The following WWC2 variants were observed in gnomAD, a reference collection of about 807,000 sequenced individuals.
WWC2 encodes WW and C2 domain containing 2.
WWC2 carries 101 observed loss-of-function variants against 138.5 expected under a neutral mutation model. The ratio of observed to expected loss-of-function variants is 0.73; its 90% CI spans 0.62 to 0.86. The LOEUF (loss-of-function observed/expected upper bound fraction) is 0.86, where lower values mean the gene tolerates loss of function less well. Ranked by LOEUF, WWC2 falls within the 40% of genes least tolerant of loss-of-function variation. The pLI, the probability that WWC2 is intolerant of heterozygous loss-of-function variation, is 0.00. For synonymous variants in WWC2, 558 were observed against 538.4 expected, an observed-to-expected ratio of 1.04 and a Z score of -0.50; for missense variants, 1,420 against 1,419.4, an observed-to-expected ratio of 1.00 and a Z score of -0.01.
At chr4:183,276,590 C>G (rs1737862907) in intron 16 of WWC2, among the ~76,000 whole-genome samples, 1 of 152,102 alleles carries the variant, frequency 6.6e-6, no homozygotes, top group African/African-American at 2.4e-5. Flanking sequence ...TTTCCTCCTT[C>G]TCTGCTATTA....
chr4:183,230,040 A>G (rs1473603324), intron 4 of WWC2, among the ~76,000 whole-genome samples: 3 of 151,946 alleles, frequency 2.0e-5, no homozygotes, highest in African/African-American at 7.3e-5. Context: ...GCCTAAGCTA[A>G]TCTCAAACCC....
chr4:183,215,242 GTCTC>G (rs369099139), intron 4 of WWC2, among the ~76,000 whole-genome samples: 5 of 151,642 alleles, frequency 3.3e-5, no homozygotes, highest in African/African-American at 1.2e-4. Context: ...TGTGGATGTG[GTCTC>G]TCTCTCTCTC....
chr4:183,315,647 C>T lies in WWC2; in HGVS notation c.3513-16C>T. Reference sequence around the variant, plus strand: ...GCATCATATATAAGTCAATTTATTTCTCACCCCAACTCTAGGGAGAAGATT... The same window carrying T: ...GCATCATATATAAGTCAATTTATTTTTCACCCCAACTCTAGGGAGAAGATT... On this transcript the variant is annotated splice_polypyrimidine_tract_variant and intron_variant, in intron 22 of 22. Coordinates refer to ENST00000403733, the MANE Select transcript of WWC2 (RefSeq NM_024949.6). 4 of 1,605,778 alleles carry T rather than the reference C, an allele frequency of 2.5e-6. No individual in the cohort carries two copies. Among genetic ancestry groups the T allele is most frequent in the Non-Finnish European group, 3.4e-6 (4 of 1,175,332 alleles).
intron 1 of WWC2, among the ~76,000 whole-genome samples, chr4:183,106,432 A>G (rs1448008101): frequency 1.3e-5 from 2 of 152,216 alleles, no homozygotes; most frequent in African/African-American, 4.8e-5. Context: ...TCCTCAGCAT[A>G]AAATTATTCA....
At chr4:183,294,151 C>G (rs920250409) in intron 21 of WWC2, among the ~76,000 whole-genome samples, 9 of 152,066 alleles carry the variant, frequency 5.9e-5, no homozygotes, top group Admixed American at 3.9e-4. Flanking sequence ...TCCAATAAAA[C>G]TTTATTTACA....
At chr4:183,121,023 C>T (rs1732583824) in intron 1 of WWC2, among the ~76,000 whole-genome samples, 1 of 152,136 alleles carries the variant, frequency 6.6e-6, no homozygotes, top group African/African-American at 2.4e-5. Flanking sequence ...TTGAGACCAG[C>T]CTGGACAACA....
chr4:183,220,785 C>G (rs1029898470), intron 4 of WWC2, among the ~76,000 whole-genome samples: 31 of 150,298 alleles, frequency 2.1e-4, no homozygotes, highest in South Asian at 6.3e-4. Context: ...AGTGAGCCAA[C>G]ATCGTGCCAC....
intron 21 of WWC2, among the ~76,000 whole-genome samples, chr4:183,304,084 G>A (rs1427351163): frequency 6.6e-6 from 1 of 152,020 alleles, no homozygotes; most frequent in Non-Finnish European, 1.5e-5. Context: ...GGAGTTTGAA[G>A]TCTTCAATCT....
intron 1 of WWC2, among the ~76,000 whole-genome samples, chr4:183,191,839 C>T (rs927115781): frequency 2.0e-5 from 3 of 151,996 alleles, no homozygotes; most frequent in African/African-American, 7.3e-5. Context: ...GTGATGCTCC[C>T]ATCTTGGCTT....
intron 19 of WWC2, among the ~76,000 whole-genome samples, chr4:183,285,046 G>A (rs1447420014): frequency 2.0e-5 from 3 of 151,996 alleles, no homozygotes; most frequent in Non-Finnish European, 4.4e-5. Flanking sequence ...TAAATACTTG[G>A]GATTCATCTA....
chr4:183,110,212 G>A, intron 1 of WWC2, among the ~76,000 whole-genome samples: 1 of 152,114 alleles, frequency 6.6e-6, no homozygotes, highest in East Asian at 1.9e-4. Context: ...AGAAAAACAG[G>A]CAAAATGAAT....
chr4:183,171,847 TG>T (rs1447792921), intron 1 of WWC2, among the ~76,000 whole-genome samples: 2 of 152,252 alleles, frequency 1.3e-5, no homozygotes, highest in African/African-American at 4.8e-5. Context: ...CTTCCCGCCC[TG>T]GTTGAGGATT....
intron 1 of WWC2, among the ~76,000 whole-genome samples, chr4:183,134,120 C>G (rs1480898387): frequency 6.6e-6 from 1 of 151,990 alleles, no homozygotes. Context: ...TATGATTAAT[C>G]TATATAACAT....
At chr4:183,296,326 C>T (rs139203718) in intron 21 of WWC2, among the ~76,000 whole-genome samples, 1,629 of 152,292 alleles carry the variant, frequency 0.011, 12 homozygotes, top group Non-Finnish European at 0.014. Context: ...AAAAACTGGT[C>T]GCTTGGGCTC....
At chr4:183,157,743 C>G (rs892468850) in intron 1 of WWC2, among the ~76,000 whole-genome samples, 5 of 151,962 alleles carry the variant, frequency 3.3e-5, no homozygotes, top group Non-Finnish European at 7.4e-5. Context: ...CCTTGTGATC[C>G]GCCTCCCTCT....
intron 15 of WWC2, chr4:183,269,487 CT>C (rs1467678080): frequency 1.9e-6 from 1 of 513,556 alleles, no homozygotes; most frequent in East Asian, 5.7e-5. Context: ...CAATGCCAAG[CT>C]TTGCGTGACT....
chr4:183,216,941 A>G (rs79297075), intron 4 of WWC2, among the ~76,000 whole-genome samples: 1,525 of 152,300 alleles, frequency 0.01, 30 homozygotes, highest in African/African-American at 0.035. Context: ...CAGAGCTCAC[A>G]TAGGGCTGGG....
chr4:183,227,550 A>G (rs1385178605), intron 4 of WWC2, among the ~76,000 whole-genome samples: 2 of 152,064 alleles, frequency 1.3e-5, no homozygotes, highest in East Asian at 3.8e-4. Flanking sequence ...TAAGAAATAA[A>G]AAAAGAGATT....
At position 183,317,442 on chromosome 4, in the gene WWC2, T is replaced by G. The variant is rs1739476336; in HGVS notation, c.*1713T>G. On this transcript the variant is annotated 3_prime_UTR_variant, in exon 23 of 23. Transcript: ENST00000403733. Reference sequence around the variant, plus strand: ...TAGTGAATTGACTGAGTACAGTCCTTTAAGGCTGCCCAGTTCATTCTATTA... The same window carrying G: ...TAGTGAATTGACTGAGTACAGTCCTGTAAGGCTGCCCAGTTCATTCTATTA... 1 of 152,656 alleles carries G rather than the reference T, an allele frequency of 6.6e-6. No individual in the cohort carries two copies. 9.5% of individuals were successfully genotyped at this position (152,656 alleles called of 1,614,324 possible).
Sources: allele counts gnomAD v4.1 joint callset (sites outside exome capture counted in the v4.1 genomes callset), GRCh38; gene constraint gnomAD v4.1.1; transcripts MANE v1.5; gene names NCBI Gene and HGNC (gene_info 2026-07-23, HGNC 2026-07-21).